ITGAX: variants seen among roughly 807,000 people sequenced by gnomAD.
ITGAX encodes integrin subunit alpha X, also known as integrin alpha-X.
A neutral mutation model predicts 140.2 loss-of-function variants in ITGAX; 99 were observed. The observed-to-expected ratio is 0.71, with a 90% confidence interval of 0.60 to 0.83. The LOEUF (loss-of-function observed/expected upper bound fraction) is 0.83, where lower values mean the gene tolerates loss of function less well. Among genes scored for constraint, ITGAX ranks in the 40% least tolerant of loss-of-function variants. The pLI is 0.00. For missense variants in ITGAX, 1,444 were observed against 1,482.0 expected (o/e 0.97, Z 0.42); for synonymous variants, 631 against 600.4 (o/e 1.05, Z -0.75).
At position 31,356,518 on chromosome 16, in the gene ITGAX, T is replaced by C. The variant is rs145547326; in HGVS notation, c.144-107T>C. On this transcript the variant is annotated intron_variant, in intron 2 of 29. Coordinates refer to ENST00000268296, the MANE Select transcript of ITGAX (RefSeq NM_000887.5). Reference sequence around the variant, plus strand: ...GACTTTAAATTATTAAAATCCATCTTGCAGATGAGGAAGCTGAGGCTCAGG... The same window carrying C: ...GACTTTAAATTATTAAAATCCATCTCGCAGATGAGGAAGCTGAGGCTCAGG... The C allele has an allele frequency of 9.6e-4, 655 of 682,880 alleles. 6 individuals carry two copies. The East Asian group carries it at 0.017, about 18-fold the overall frequency. The allele number at this position is 682,880 out of a possible 1,614,324, so 42.3% of individuals were successfully genotyped here.
In ITGAX at chr16:31,356,626, G is replaced by A; in HGVS notation, c.145G>A (p.Val49Met). ...DSVVQYANSW[V>M]VVGAPQKITA... Reference sequence around the variant, plus strand: ...AAAGTGTTCTTTGTCTCCTCGCAGGGTGGTGGTTGGAGCCCCCCAAAAGAT... The same window carrying A: ...AAAGTGTTCTTTGTCTCCTCGCAGGATGGTGGTTGGAGCCCCCCAAAAGAT... Residue 49 changes from valine (V) to methionine (M), a missense_variant and splice_region_variant, in exon 3 of 30, where the codon GTG (valine) becomes ATG (methionine). Physicochemically the swap from Val to Met is conservative, Grantham distance 21. Transcript: ENST00000268296. The A allele has an allele frequency of 6.3e-7, 1 of 1,593,582 alleles. No individual in the cohort carries two copies.
chr16:31,381,758 C>G, intron 29 of ITGAX, 45 bp from the exon 30 acceptor site: 1 of 866,210 alleles, frequency 1.2e-6, no homozygotes, highest in Non-Finnish European at 2.0e-6. Flanking sequence ...TTCCTCTCTT[C>G]CACTGAATGG....
intron 5 of ITGAX, 194 bp downstream of exon 5, chr16:31,357,558 G>A (rs1457372652): frequency 1.2e-5 from 7 of 575,222 alleles, no homozygotes; most frequent in Non-Finnish European, 2.2e-5. Context: ...GACCTTTCCT[G>A]TGACCTTAAC....
intron 28 of ITGAX, 123 bp from the exon 29 acceptor site, chr16:31,380,774 G>A (rs2081062055): frequency 8.0e-7 from 1 of 1,254,732 alleles, no homozygotes; most frequent in African/African-American, 1.5e-5. Flanking sequence ...GGGTGCTGCT[G>A]TGTCTCACCT....
intron 19 of ITGAX, 118 bp from the exon 20 acceptor site, chr16:31,373,131 G>T: frequency 1.6e-6 from 1 of 624,954 alleles, no homozygotes; most frequent in Non-Finnish European, 2.5e-6. Context: ...AGAAGAAGAA[G>T]AACCCAGGGG....
In ITGAX at chr16:31,373,295, G is replaced by T; in HGVS notation, c.2413G>T (p.Val805Leu). 1 of 1,613,954 alleles carries T rather than the reference G, an allele frequency of 6.2e-7. No homozygotes were observed. ...VGSNLELNAE[V>L]MVWNDGEDSY... ...GAGTAACCTGGAGCTGAACGCAGAA[G>T]TGATGGTGTGGAATGACGGGGAAGA... Residue 805 changes from valine (V) to leucine (L), a missense_variant, in exon 20 of 30, where the codon GTG becomes TTG. Coordinates refer to ENST00000268296, the MANE Select transcript of ITGAX (RefSeq NM_000887.5).
In ITGAX at chr16:31,371,314, G is replaced by C; in HGVS notation, c.1842-20G>C. 1.2e-6 allele frequency: 2 copies of C among 1,613,344 alleles called. No homozygotes were observed. Among genetic ancestry groups the C allele is most frequent in the Non-Finnish European group, 1.7e-6 (2 of 1,179,430 alleles). Reference sequence around the variant, plus strand: ...CCCAGGAGCCGACGGCCTGTCCTCAGCTCGGTGCTCTGCCCGCAGGACCAG... The same window carrying C: ...CCCAGGAGCCGACGGCCTGTCCTCACCTCGGTGCTCTGCCCGCAGGACCAG... On this transcript the variant is annotated intron_variant, in intron 15 of 29. Transcript: ENST00000268296.
intron 29 of ITGAX, 75 bp from the exon 30 acceptor site, chr16:31,381,728 C>T (rs2081070248): frequency 3.6e-6 from 3 of 825,456 alleles, no homozygotes; most frequent in South Asian, 1.4e-5. Context: ...ATAGTGACCC[C>T]TCTCCCTCAG....
chr16:31,356,065 C>A (rs1235421399), intron 2 of ITGAX, 67 bp downstream of exon 2: 9 of 1,103,290 alleles, frequency 8.2e-6, no homozygotes, highest in Non-Finnish European at 1.2e-5. Flanking sequence ...CCCATGCCCC[C>A]GGCCCTGCCC....
At chr16:31,372,547 A>G (rs767461928) in intron 18 of ITGAX, 38 bp downstream of exon 18, 1 of 1,613,576 alleles carries the variant, frequency 6.2e-7, no homozygotes, top group South Asian at 1.1e-5. Context: ...GAGGGTGCAC[A>G]GCGTGGGGCC....
In ITGAX at chr16:31,377,094, G is replaced by C; in HGVS notation, c.2705+15G>C. 6.2e-7 allele frequency: 1 copy of C among 1,613,914 alleles called. No individual in the cohort carries two copies. The highest frequency in any genetic ancestry group is 8.5e-7 in the Non-Finnish European group (1 of 1,179,826). Reference sequence around the variant, plus strand: ...AATGTGAGCAGGTGAGCCGGGCCAGGCCAGGGGCAGTGCCCCTCATCTCCA... The same window carrying C: ...AATGTGAGCAGGTGAGCCGGGCCAGCCCAGGGGCAGTGCCCCTCATCTCCA... On this transcript the variant is annotated intron_variant, in intron 22 of 29. Coordinates refer to ENST00000268296, the MANE Select transcript of ITGAX (RefSeq NM_000887.5).
rs151306268 is a variant in ITGAX at position 31,363,038 on chromosome 16, G to A, written c.1463G>A (p.Arg488Gln). Residue 488 changes from arginine (R) to glutamine (Q), a missense_variant, in exon 13 of 30, where the codon CGA becomes CAA. Physicochemically the swap from Arg to Gln is conservative, Grantham distance 43. Coordinates refer to ENST00000268296, the MANE Select transcript of ITGAX (RefSeq NM_000887.5). The part of the protein sequence containing the change: ...IGAPHYYEQT[R>Q]GGQVSVCPLP... ...GCCCCCCATTACTACGAGCAGACCC[G>A]AGGGGGCCAGGTGTCTGTGTGTCCC... 2.1e-4 allele frequency: 346 copies of A among 1,612,132 alleles called. No individual in the cohort carries two copies. The African/African-American group carries it at 3.3e-3, about 15-fold the overall frequency.
At chr16:31,372,315 T>C (rs756023111) in intron 17 of ITGAX, 63 bp from the exon 18 acceptor site, 6 of 1,553,704 alleles carry the variant, frequency 3.9e-6, no homozygotes, top group Non-Finnish European at 5.2e-6. Context: ...GAACTGCGGA[T>C]GAGGCCGAGC....
At chr16:31,361,586 T>G (rs2080826362) in intron 9 of ITGAX, 2 of 711,518 alleles carry the variant, frequency 2.8e-6, no homozygotes, top group Non-Finnish European at 4.9e-6. Flanking sequence ...CCTGGCCCCC[T>G]CGGGTCTGCT....
chr16:31,372,894 G>A (rs978478139), intron 19 of ITGAX, among the ~76,000 whole-genome samples: 2 of 145,884 alleles, frequency 1.4e-5, no homozygotes, highest in Non-Finnish European at 3.0e-5. Context: ...AACAGAGCGA[G>A]ATCCCATTTC....
At chr16:31,361,678 G>A (rs777559899) in intron 9 of ITGAX, 158 bp from the exon 10 acceptor site, 17 of 861,388 alleles carry the variant, frequency 2.0e-5, no homozygotes, top group Non-Finnish European at 2.9e-5. Flanking sequence ...GGGGGGCCCC[G>A]AAGTCGGAGC....
Position 31,373,337 on chromosome 16 carries a change from A to G in ITGAX, c.2455A>G (p.Ile819Val). ...CGGGGAAGACTCCTACGGAACCACC[A>G]TCACCTTCTCCCACCCCGCAGGACT... is the stretch of plus-strand genomic sequence containing the variant. ...NDGEDSYGTT[I>V]TFSHPAGLSY... Residue 819 changes from isoleucine (I) to valine (V), a missense_variant, in exon 20 of 30, where the codon ATC (isoleucine) becomes GTC (valine). Transcript: ENST00000268296. 4 of 1,613,676 alleles carry G rather than the reference A, an allele frequency of 2.5e-6. No individual in the cohort carries two copies. The highest frequency in any genetic ancestry group is 1.1e-5 in the South Asian group (1 of 91,020).
rs1287319947 is a variant in ITGAX at position 31,362,643 on chromosome 16, G to T, written c.1249G>T (p.Val417Leu). 19 of 1,613,070 alleles carry T rather than the reference G, an allele frequency of 1.2e-5. No homozygotes were observed. The highest frequency in any genetic ancestry group is 2.2e-5 in the East Asian group (1 of 44,864). ...YSTELALWKG[V>L]QSLVLGAPRY... ...CACCGAGCTGGCCCTCTGGAAAGGG[G>T]TGCAGAGCCTGGTCCTGGGGGCCCC... The change falls in exon 12 of 30, where the codon GTG becomes TTG. Residue 417 changes from valine (V) to leucine (L), a missense_variant. Val to Leu is a conservative substitution (Grantham distance 32). Coordinates refer to ENST00000268296, the MANE Select transcript of ITGAX (RefSeq NM_000887.5).
rs146949323 is a variant in ITGAX at position 31,355,284 on chromosome 16, G to A, written c.30G>A (p.Leu10=). ...CCAGGACCAGGGCAGCACTCCTCCTGTTCACAGGTGAGCCTGGACCCCAAT... is the reference window on the plus strand; with the variant it reads ...CCAGGACCAGGGCAGCACTCCTCCTATTCACAGGTGAGCCTGGACCCCAAT... MTRTRAALL[L]FTALATSLGF... is the part of the protein sequence containing the mutation. The change falls in exon 1 of 30, where the codon CTG becomes CTA. Residue 10 remains leucine (L), a synonymous_variant. Coordinates refer to ENST00000268296, the MANE Select transcript of ITGAX (RefSeq NM_000887.5). 1.4e-3 allele frequency: 2,228 copies of A among 1,613,786 alleles called. 8 individuals carry two copies. The highest frequency in any genetic ancestry group is 3.7e-3 in the South Asian group (333 of 91,080).
Sources: gnomAD v4.1 joint callset for allele counts (sites outside exome capture counted in the v4.1 genomes callset) on GRCh38, gnomAD v4.1.1 for gene constraint, MANE v1.5 for transcripts, NCBI Gene and HGNC (gene_info 2026-07-23, HGNC 2026-07-21) for gene names.